The following PGRMC2 variants were observed in gnomAD, a reference collection of about 807,000 sequenced individuals.
PGRMC2 encodes membrane-associated progesterone receptor component 2.
Under a neutral mutation model 19.3 loss-of-function variants are expected in PGRMC2, and 9 were observed. That is an observed-to-expected ratio of 0.47 (90% CI 0.28 to 0.81). The LOEUF is 0.81. Ranked by LOEUF, PGRMC2 falls within the 40% of genes least tolerant of loss-of-function variation. PGRMC2 has a pLI of 0.11. For missense variants in PGRMC2, 289 were observed against 297.3 expected (o/e 0.97, Z 0.21); for synonymous variants, 157 against 124.6 (o/e 1.26, Z -1.73).
Position 128,271,389 on chromosome 4 carries a change from A to T in PGRMC2, c.599T>A (p.Leu200His). ...TGATGGTTCTTCTCCTGGTTTTAGG[A>T]GTCTGCCTACATAATCATATTTTTC... ...FKEKYDYVGR[L>H]LKPGEEPSEY... The change falls in exon 3 of 3, where the codon CTC becomes CAC. Residue 200 changes from leucine (L) to histidine (H), a missense_variant. By Grantham distance (99) the Leu-to-His change is moderately conservative. Transcript: ENST00000296425. 6.3e-7 allele frequency: 1 copy of T among 1,597,656 alleles called. No homozygotes were observed. Among genetic ancestry groups the T allele is most frequent in the Non-Finnish European group, 8.6e-7 (1 of 1,165,604 alleles).
intron 1 of PGRMC2, among the ~76,000 whole-genome samples, chr4:128,283,467 C>T (rs1045509326): frequency 6.6e-6 from 1 of 152,140 alleles, no homozygotes; most frequent in Non-Finnish European, 1.5e-5. Context: ...GTAGGTGGCA[C>T]GCCAGTCTCA....
In PGRMC2 at chr4:128,287,772, C is replaced by A. The variant is rs774875469; in HGVS notation, c.19G>T (p.Asp7Tyr). The A allele has an allele frequency of 6.8e-7, 1 of 1,475,048 alleles. No individual in the cohort carries two copies. The highest frequency in any genetic ancestry group is 9.3e-7 in the Non-Finnish European group (1 of 1,075,512). 91.4% of individuals were successfully genotyped at this position (1,475,048 alleles called of 1,614,324 possible). MAAGDG[D>Y]VKLGTLGSGS... ...CTCCCCAGGGTGCCTAGCTTCACGT[C>A]CCCATCACCAGCCGCCATCACTGCC... Residue 7 changes from aspartate (D) to tyrosine (Y), a missense_variant, in exon 1 of 3, where the codon GAC (aspartate) becomes TAC (tyrosine). Asp to Tyr is a radical substitution (Grantham distance 160). Transcript: ENST00000296425.
At chr4:128,286,679 T>C (rs1760987968) in intron 1 of PGRMC2, 2 of 398,164 alleles carry the variant, frequency 5.0e-6, no homozygotes, top group Non-Finnish European at 8.9e-6. Flanking sequence ...CAGTCTTTAA[T>C]AAGCTCTGCA....
At chr4:128,274,228 A>G (rs1760772244) in intron 1 of PGRMC2, among the ~76,000 whole-genome samples, 1 of 152,202 alleles carries the variant, frequency 6.6e-6, no homozygotes, top group African/African-American at 2.4e-5. Flanking sequence ...CTGACATTCA[A>G]AAGGGTATTA....
chr4:128,287,200 G>T (rs546279643), intron 1 of PGRMC2, 173 bp downstream of exon 1: 2 of 606,140 alleles, frequency 3.3e-6, no homozygotes, highest in Admixed American at 3.5e-5. Context: ...GCTGCGGGGG[G>T]ACGGTGTGTG....
chr4:128,283,561 G>A (rs1429209543), intron 1 of PGRMC2, among the ~76,000 whole-genome samples: 1 of 152,092 alleles, frequency 6.6e-6, no homozygotes, highest in Non-Finnish European at 1.5e-5. Context: ...TGTTACTAAG[G>A]AACTCAATTT....
intron 1 of PGRMC2, among the ~76,000 whole-genome samples, chr4:128,279,646 G>A (rs544916723): frequency 6.6e-6 from 1 of 152,306 alleles, no homozygotes; most frequent in African/African-American, 2.4e-5. Context: ...ACAGTGGACT[G>A]TTAAATTATG....
intron 1 of PGRMC2, among the ~76,000 whole-genome samples, chr4:128,283,929 G>A (rs1760945882): frequency 1.3e-5 from 2 of 152,212 alleles, no homozygotes; most frequent in South Asian, 2.1e-4. Context: ...TCAAAGTGCT[G>A]GGATTAAGGC....
At chr4:128,272,959 G>A (rs1458947509) in intron 1 of PGRMC2, 2 of 152,416 alleles carry the variant, frequency 1.3e-5, no homozygotes, top group East Asian at 3.8e-4. Flanking sequence ...AGACTCAGCT[G>A]AACTTGAATC....
intron 1 of PGRMC2, among the ~76,000 whole-genome samples, chr4:128,284,537 G>A (rs1344638047): frequency 2.6e-5 from 4 of 152,138 alleles, no homozygotes; most frequent in African/African-American, 7.2e-5. Flanking sequence ...AATGCCAACT[G>A]TTTGCCAAAA....
chr4:128,273,418 T>C (rs1209769636), intron 1 of PGRMC2, among the ~76,000 whole-genome samples: 1 of 152,180 alleles, frequency 6.6e-6, no homozygotes. Flanking sequence ...GTATCCTCAA[T>C]GCCTAGCACT....
chr4:128,279,935 A>G (rs993391881), intron 1 of PGRMC2, among the ~76,000 whole-genome samples: 1 of 152,108 alleles, frequency 6.6e-6, no homozygotes, highest in Admixed American at 6.5e-5. Flanking sequence ...TATCCTTTTG[A>G]ATTTTCTATT....
At chr4:128,278,906 A>G (rs1578884709) in intron 1 of PGRMC2, among the ~76,000 whole-genome samples, 1 of 152,294 alleles carries the variant, frequency 6.6e-6, no homozygotes, top group South Asian at 2.1e-4. Context: ...GATCAATATG[A>G]TGATTGAAAA....
rs914313834 is a variant in PGRMC2 at position 128,269,632 on chromosome 4, T to A, written c.*1684A>T. 6.6e-6 allele frequency: 1 copy of A among 152,198 alleles called. No individual in the cohort carries two copies. Among genetic ancestry groups the A allele is most frequent in the African/African-American group, 2.4e-5 (1 of 41,448 alleles). 9.4% of individuals were successfully genotyped at this position (152,198 alleles called of 1,614,324 possible). On this transcript the variant is annotated 3_prime_UTR_variant, in exon 3 of 3. Coordinates refer to ENST00000296425, the MANE Select transcript of PGRMC2 (RefSeq NM_006320.6). ...TCCCCCTTGTTTGATGGCTTCTGCA[T>A]GTATCTACAAAGCAGAAGTCTTAAC... is the stretch of plus-strand genomic sequence containing the variant.
At chr4:128,278,237 T>A (rs1392034995) in intron 1 of PGRMC2, among the ~76,000 whole-genome samples, 1 of 152,062 alleles carries the variant, frequency 6.6e-6, no homozygotes, top group African/African-American at 2.4e-5. Flanking sequence ...CTAAAGATAA[T>A]ACTTCAAGTA....
At chr4:128,284,414 C>T (rs890067488) in intron 1 of PGRMC2, among the ~76,000 whole-genome samples, 3 of 152,150 alleles carry the variant, frequency 2.0e-5, no homozygotes, top group African/African-American at 4.8e-5. Flanking sequence ...GGGTGCTTAA[C>T]GAATCTGGTT....
chr4:128,275,889 A>G (rs1004329358), intron 1 of PGRMC2, among the ~76,000 whole-genome samples: 8 of 151,980 alleles, frequency 5.3e-5, no homozygotes, highest in Non-Finnish European at 8.8e-5. Context: ...CCAGGCCTGC[A>G]TAATTTCTTT....
chr4:128,282,986 T>C (rs1287255338), intron 1 of PGRMC2, among the ~76,000 whole-genome samples: 1 of 152,184 alleles, frequency 6.6e-6, no homozygotes, highest in Non-Finnish European at 1.5e-5. Context: ...ATAGCTTTGG[T>C]ATATGTCAAA....
intron 1 of PGRMC2, among the ~76,000 whole-genome samples, chr4:128,276,989 T>C (rs1760824397): frequency 6.6e-6 from 1 of 152,168 alleles, no homozygotes; most frequent in Non-Finnish European, 1.5e-5. Flanking sequence ...ACCCAGTATC[T>C]ACTAAAAAAT....
Sources: gnomAD v4.1 joint callset for allele counts (sites outside exome capture counted in the v4.1 genomes callset) on GRCh38, gnomAD v4.1.1 for gene constraint, MANE v1.5 for transcripts, NCBI Gene and HGNC (gene_info 2026-07-23, HGNC 2026-07-21) for gene names.